The following TMEM135 variants were observed in gnomAD, a reference collection of about 807,000 sequenced individuals.
The protein encoded by TMEM135 is transmembrane protein 135.
Under a neutral mutation model 60.3 loss-of-function variants are expected in TMEM135, and 30 were observed. The ratio of observed to expected loss-of-function variants is 0.50; its 90% CI spans 0.37 to 0.68. The LOEUF is 0.68. Ranked by LOEUF, TMEM135 falls within the 30% of genes least tolerant of loss-of-function variation. TMEM135 has a pLI of 0.00. For missense variants in TMEM135, 468 were observed against 548.8 expected (o/e 0.85, Z 1.47); for synonymous variants, 190 against 186.7 (o/e 1.02, Z -0.14).
intron 4 of TMEM135, among the ~76,000 whole-genome samples, chr11:87,146,962 T>C (rs183500392): frequency 4.9e-4 from 74 of 152,210 alleles, no homozygotes; most frequent in East Asian, 9.6e-4. Context: ...AAATTGCATG[T>C]TAAATTGACC....
intron 5 of TMEM135, among the ~76,000 whole-genome samples, chr11:87,171,102 C>G (rs1939225287): frequency 6.6e-6 from 1 of 151,984 alleles, no homozygotes; most frequent in Non-Finnish European, 1.5e-5. Flanking sequence ...TGAAAAGGGG[C>G]ATAGTTGAAG....
At chr11:87,088,668 A>C (rs1026381856) in intron 3 of TMEM135, among the ~76,000 whole-genome samples, 6 of 152,226 alleles carry the variant, frequency 3.9e-5, no homozygotes, top group African/African-American at 1.4e-4. Flanking sequence ...TCAGCTCTTC[A>C]TGAGTCCTGA....
At chr11:87,314,686 G>T in intron 12 of TMEM135, 139 bp downstream of exon 12, 1 of 696,376 alleles carries the variant, frequency 1.4e-6, no homozygotes, top group Non-Finnish European at 2.5e-6. Context: ...TGATTCCCCT[G>T]TGTTTTTCTT....
chr11:87,061,818 T>C (rs570093830), intron 1 of TMEM135, among the ~76,000 whole-genome samples: 1 of 152,330 alleles, frequency 6.6e-6, no homozygotes, highest in South Asian at 2.1e-4. Flanking sequence ...TTAATAGTGA[T>C]AATCTTATGA....
chr11:87,313,279 A>G lies in TMEM135; in HGVS notation c.937-146A>G. 8.2e-6 allele frequency: 5 copies of G among 608,236 alleles called. No individual in the cohort carries two copies. In the South Asian group the frequency reaches 1.1e-4, roughly 13 times the overall value. The allele number at this position is 608,236 out of a possible 1,614,324, so 37.7% of individuals were successfully genotyped here. On this transcript the variant is annotated intron_variant, in intron 10 of 14. Coordinates refer to ENST00000305494, the MANE Select transcript of TMEM135 (RefSeq NM_022918.4). The stretch of plus-strand genomic sequence containing the variant: ...AAATATTATTGTTCATAATTTTTCC[A>G]ATCATGTATGCAGTTTGATTTAGAT...
intron 4 of TMEM135, among the ~76,000 whole-genome samples, chr11:87,119,617 C>T (rs1203373544): frequency 1.3e-5 from 2 of 152,256 alleles, no homozygotes; most frequent in African/African-American, 4.8e-5. Flanking sequence ...GCATGAATCA[C>T]TTGAACCTGG....
intron 6 of TMEM135, among the ~76,000 whole-genome samples, chr11:87,261,202 A>G (rs1941644764): frequency 6.6e-6 from 1 of 152,186 alleles, no homozygotes; most frequent in African/African-American, 2.4e-5. Flanking sequence ...TTAGAAGGTC[A>G]AAGATTATCA....
intron 5 of TMEM135, among the ~76,000 whole-genome samples, chr11:87,222,029 A>T (rs996516820): frequency 6.6e-6 from 1 of 151,648 alleles, no homozygotes; most frequent in Non-Finnish European, 1.5e-5. Context: ...TAAAAATACA[A>T]AAAAATTAGC....
intron 7 of TMEM135, among the ~76,000 whole-genome samples, chr11:87,300,761 G>A (rs1391027075): frequency 6.6e-6 from 1 of 152,214 alleles, no homozygotes; most frequent in Non-Finnish European, 1.5e-5. Context: ...AGGCCTCACA[G>A]TTGAGTAGGG....
intron 1 of TMEM135, among the ~76,000 whole-genome samples, chr11:87,053,250 T>C (rs1264812668): frequency 1.3e-5 from 2 of 150,980 alleles, no homozygotes. Context: ...TTGTGAGTTA[T>C]GACTTTGAGA....
intron 6 of TMEM135, among the ~76,000 whole-genome samples, chr11:87,250,537 G>C (rs889384921): frequency 6.6e-6 from 1 of 151,438 alleles, no homozygotes; most frequent in African/African-American, 2.4e-5. Context: ...TTTTTCATTG[G>C]TCACTCAGGA....
intron 4 of TMEM135, among the ~76,000 whole-genome samples, chr11:87,154,898 C>T (rs1938648156): frequency 6.6e-6 from 1 of 152,238 alleles, no homozygotes; most frequent in African/African-American, 2.4e-5. Flanking sequence ...ATGCAATTTG[C>T]AGGTGTTTTC....
At chr11:87,066,351 C>T (rs1171521411) in intron 1 of TMEM135, among the ~76,000 whole-genome samples, 3 of 152,082 alleles carry the variant, frequency 2.0e-5, no homozygotes, top group East Asian at 3.9e-4. Flanking sequence ...AAATTCCTGC[C>T]TTCCCCTGTA....
rs565269953 is a variant in TMEM135, at chr11:87,220,867, T to A, written c.463-15771T>A. On this transcript the variant is annotated intron_variant, in intron 5 of 14. Transcript: ENST00000305494. ...ATGTCTATATGTTTAATAACCTACA[T>A]TTTCAAGGTAGTTCGTTGGAATAAA... 1.5e-3 allele frequency among the ~76,000 whole-genome samples: 224 copies of A among 152,264 alleles called. 1 individual carries two copies. The highest frequency in any genetic ancestry group is 4.9e-3 in the African/African-American group (205 of 41,554).
chr11:87,327,590 G>T lies in TMEM135; in HGVS notation c.*6257G>T. On this transcript the variant is annotated 3_prime_UTR_variant, in exon 15 of 15. Transcript: ENST00000305494. ...AGAGAGATATGAGAGGGGATTAAGG[G>T]AGTTGGCTCATGTGATTGTGGAGGC... The T allele has an allele frequency of 2.2e-6, 1 of 452,802 alleles. No homozygotes were observed. Among genetic ancestry groups the T allele is most frequent in the Non-Finnish European group, 4.4e-6 (1 of 226,192 alleles). The allele number at this position is 452,802 out of a possible 1,614,324, so 28.0% of individuals were successfully genotyped here.
At chr11:87,320,107 A>T (rs1161368986) in intron 14 of TMEM135, among the ~76,000 whole-genome samples, 1 of 152,186 alleles carries the variant, frequency 6.6e-6, no homozygotes. Flanking sequence ...AGTGCTGACA[A>T]TGTCCAACAT....
intron 1 of TMEM135, among the ~76,000 whole-genome samples, chr11:87,054,691 T>C (rs1199732927): frequency 6.6e-6 from 1 of 152,222 alleles, no homozygotes; most frequent in East Asian, 1.9e-4. Context: ...TTAATCCACT[T>C]TGGGAGTTTC....
At chr11:87,140,289 G>T (rs573706494) in intron 4 of TMEM135, among the ~76,000 whole-genome samples, 11 of 151,904 alleles carry the variant, frequency 7.2e-5, no homozygotes, top group African/African-American at 2.7e-4. Flanking sequence ...GGATGGTCTC[G>T]ATCTCCTGAC....
intron 5 of TMEM135, among the ~76,000 whole-genome samples, chr11:87,177,231 A>C (rs536691854): frequency 2.0e-4 from 31 of 152,082 alleles, no homozygotes; most frequent in Non-Finnish European, 3.8e-4. Flanking sequence ...CATCCTACCT[A>C]CATCCTACAT....
Sources: allele counts gnomAD v4.1 joint callset (sites outside exome capture counted in the v4.1 genomes callset), GRCh38; gene constraint gnomAD v4.1.1; transcripts MANE v1.5; gene names NCBI Gene and HGNC (gene_info 2026-07-23, HGNC 2026-07-21).